Variants in CRTC3 observed in about 807,000 individuals in gnomAD.
CRTC3 encodes CREB regulated transcription coactivator 3, also known as CREB-regulated transcription coactivator 3.
In CRTC3, 26 loss-of-function variants were observed where a neutral mutation model predicts 74.5. That is an observed-to-expected ratio of 0.35 (90% CI 0.26 to 0.48). The LOEUF (loss-of-function observed/expected upper bound fraction) is 0.48. Among genes scored for constraint, CRTC3 ranks in the 20% least tolerant of loss-of-function variants. The pLI, the probability that CRTC3 is intolerant of heterozygous loss-of-function variation, is 0.99. For synonymous variants in CRTC3, 377 were observed against 325.8 expected (o/e 1.16, Z -1.69); for missense variants, 760 against 787.3 (o/e 0.97, Z 0.41).
At chr15:90,531,461 C>G in intron 1 of CRTC3, among the ~76,000 whole-genome samples, 1 of 152,130 alleles carries the variant, frequency 6.6e-6, no homozygotes, top group East Asian at 1.9e-4. Context: ...GCCATTTATA[C>G]TCATGATGGT....
intron 9 of CRTC3, among the ~76,000 whole-genome samples, chr15:90,622,332 T>A (rs998344881): frequency 6.6e-6 from 1 of 152,192 alleles, no homozygotes; most frequent in African/African-American, 2.4e-5. Flanking sequence ...TAATGACCTG[T>A]TTCACAGTGG....
At chr15:90,628,876 A>C (rs186048296) in intron 10 of CRTC3, among the ~76,000 whole-genome samples, 115 of 152,140 alleles carry the variant, frequency 7.6e-4, no homozygotes, top group African/African-American at 2.7e-3. Context: ...CCGGGGCTCT[A>C]AACAGAATTT....
At position 90,630,756 on chromosome 15, in the gene CRTC3, A is replaced by ATTTTTTTT. The variant is rs1175467073; in HGVS notation, c.1266+1249_1266+1256dup. Among the ~76,000 whole-genome samples the ATTTTTTTT allele has an allele frequency of 1.3e-3, 31 of 23,648 alleles. 5 individuals are homozygous for ATTTTTTTT. The highest frequency in any genetic ancestry group is 3.0e-3 in the African/African-American group (28 of 9,424). The allele number at this position is 23,648 out of a possible 152,430, so 15.5% of individuals were successfully genotyped here. Reference sequence around the variant, plus strand: ...CACATCCTCTGTCTATTACAGCATCATTTTTTTTTTTTTTTTTTTTTTTTT... The same window carrying ATTTTTTTT: ...CACATCCTCTGTCTATTACAGCATCATTTTTTTTTTTTTTTTTTTTTTTTTTTTTTTTT... On this transcript the variant is annotated intron_variant, in intron 11 of 14. Coordinates refer to ENST00000268184, the MANE Select transcript of CRTC3 (RefSeq NM_022769.5).
chr15:90,638,431 G>T lies in CRTC3; in HGVS notation c.1267-15G>T, dbSNP rs1555454476. ...CGCAGAAGCTCATTAGTGGCTTTGT[G>T]TGTTTGTTTTGCAGATGGTGTCCTC... On this transcript the variant is annotated splice_polypyrimidine_tract_variant and intron_variant, in intron 11 of 14. Transcript: ENST00000268184. The T allele has an allele frequency of 6.2e-7, 1 of 1,612,578 alleles. No individual in the cohort carries two copies. Among genetic ancestry groups the T allele is most frequent in the East Asian group, 2.2e-5 (1 of 44,870 alleles).
chr15:90,539,704 G>A (rs907416935), intron 1 of CRTC3: 17 of 295,990 alleles, frequency 5.7e-5, no homozygotes, highest in Middle Eastern at 1.1e-3. Context: ...ATGTGTTAGG[G>A]TTGTGGATAG....
At position 90,644,760 on chromosome 15, in the gene CRTC3, C is replaced by A. The variant is rs960053887; in HGVS notation, c.*2620C>A. 3.9e-5 allele frequency: 9 copies of A among 232,492 alleles called. No individual in the cohort carries two copies. The highest frequency in any genetic ancestry group is 1.8e-4 in the African/African-American group (8 of 45,312). The allele number at this position is 232,492 out of a possible 1,614,324, so 14.4% of individuals were successfully genotyped here. On this transcript the variant is annotated 3_prime_UTR_variant, in exon 15 of 15. Transcript: ENST00000268184. Reference sequence around the variant, plus strand: ...GCACGTGAGCCTGCACTCACTGCGGCCTTTGTAACAAAACCAGTTGTGGTC... The same window carrying A: ...GCACGTGAGCCTGCACTCACTGCGGACTTTGTAACAAAACCAGTTGTGGTC...
At chr15:90,576,316 G>A in intron 2 of CRTC3, among the ~76,000 whole-genome samples, 1 of 152,172 alleles carries the variant, frequency 6.6e-6, no homozygotes, top group East Asian at 1.9e-4. Context: ...TGATGACTGA[G>A]ATGTGCAGGG....
At chr15:90,560,615 C>G (rs1219991521) in intron 2 of CRTC3, among the ~76,000 whole-genome samples, 1 of 152,234 alleles carries the variant, frequency 6.6e-6, no homozygotes, top group Non-Finnish European at 1.5e-5. Context: ...ACCTGGCAGG[C>G]TCTTCTGAAA....
intron 13 of CRTC3, 148 bp from the exon 14 acceptor site, chr15:90,640,949 A>G (rs187185585): frequency 2.2e-5 from 14 of 636,554 alleles, no homozygotes; most frequent in Middle Eastern, 3.6e-4. Context: ...ATGCATTACC[A>G]TAAGAGCAAA....
At chr15:90,616,046 A>G (rs1456062280) in intron 7 of CRTC3, among the ~76,000 whole-genome samples, 13 of 151,140 alleles carry the variant, frequency 8.6e-5, no homozygotes, top group Admixed American at 8.6e-4. Flanking sequence ...TTGTATTTTT[A>G]GTAGAGATGG....
chr15:90,533,084 CAAAAAAAAAAAAAAAAAAAAAAAA>C (rs766911510), intron 1 of CRTC3, among the ~76,000 whole-genome samples: 296 of 18,876 alleles, frequency 0.016, 5 homozygotes, highest in African/African-American at 0.064. Context: ...GACTTCATCT[CAAAAAAAAAAAAAAAAAAAAAAAA>C]AAAAAAAAAA....
chr15:90,627,443 G>T (rs1422032037), intron 10 of CRTC3, among the ~76,000 whole-genome samples: 1 of 152,154 alleles, frequency 6.6e-6, no homozygotes, highest in Non-Finnish European at 1.5e-5. Flanking sequence ...TAGGGTCCCA[G>T]AAGTAAAGCA....
At chr15:90,563,384 C>T (rs1440377069) in intron 2 of CRTC3, among the ~76,000 whole-genome samples, 2 of 151,304 alleles carry the variant, frequency 1.3e-5, no homozygotes, top group Non-Finnish European at 2.9e-5. Context: ...CTAGCCTGGG[C>T]AACAGAGTGA....
At chr15:90,593,864 T>G (rs1021198148) in intron 3 of CRTC3, 109 bp downstream of exon 3, 1 of 1,153,508 alleles carries the variant, frequency 8.7e-7, no homozygotes, top group African/African-American at 1.5e-5. Context: ...TTCATTTATC[T>G]GATGAAAGGA....
chr15:90,562,190 T>G (rs1967025635), intron 2 of CRTC3, among the ~76,000 whole-genome samples: 1 of 152,182 alleles, frequency 6.6e-6, no homozygotes, highest in South Asian at 2.1e-4. Flanking sequence ...TTTTCTTGAG[T>G]GCAAGGGAAA....
chr15:90,639,158 C>T (rs1969348834), intron 13 of CRTC3, among the ~76,000 whole-genome samples: 1 of 152,000 alleles, frequency 6.6e-6, no homozygotes, highest in African/African-American at 2.4e-5. Context: ...GAGAGTGGCG[C>T]CTGCTCCCAC....
chr15:90,545,925 G>A (rs1482765457), intron 2 of CRTC3, among the ~76,000 whole-genome samples: 1 of 152,120 alleles, frequency 6.6e-6, no homozygotes, highest in Non-Finnish European at 1.5e-5. Flanking sequence ...TCAGTTGTGA[G>A]AGTTGTTTAT....
intron 3 of CRTC3, chr15:90,598,620 C>A: frequency 1.5e-6 from 1 of 675,306 alleles, no homozygotes. Flanking sequence ...ATGAGATGGA[C>A]TATAAGAAGA....
intron 2 of CRTC3, among the ~76,000 whole-genome samples, chr15:90,554,828 G>A (rs1319262958): frequency 1.3e-5 from 2 of 152,222 alleles, no homozygotes; most frequent in African/African-American, 2.4e-5. Context: ...CCAGAGTGTT[G>A]TACTCCACTA....
Sources: allele counts gnomAD v4.1 joint callset (sites outside exome capture counted in the v4.1 genomes callset), GRCh38; gene constraint gnomAD v4.1.1; transcripts MANE v1.5; gene names NCBI Gene and HGNC (gene_info 2026-07-23, HGNC 2026-07-21).